The following SRCIN1 variants were observed in gnomAD, a reference collection of about 807,000 sequenced individuals.
The protein encoded by SRCIN1 is P130Cas-associated protein.
In SRCIN1, 50 loss-of-function variants were observed where a neutral mutation model predicts 116.2. That is an observed-to-expected ratio of 0.43 (90% CI 0.34 to 0.54). The LOEUF (loss-of-function observed/expected upper bound fraction) is 0.54. SRCIN1 is among the 20% of genes least tolerant of loss of function. The pLI is 0.02. For synonymous variants in SRCIN1, 736 were observed against 750.0 expected, an observed-to-expected ratio of 0.98 and a Z score of 0.30; for missense variants, 1,446 against 1,672.0, an observed-to-expected ratio of 0.86 and a Z score of 2.36.
At chr17:38,555,465 A>G (rs1905723700) in intron 11 of SRCIN1, among the ~76,000 whole-genome samples, 1 of 152,186 alleles carries the variant, frequency 6.6e-6, no homozygotes, top group Non-Finnish European at 1.5e-5. Context: ...TAACCCACCC[A>G]ATACTGTTCC....
In SRCIN1 at chr17:38,604,927, G is replaced by A. The variant is rs182007814; in HGVS notation, c.22+757C>T. The stretch of plus-strand genomic sequence containing the variant: ...GCCCCCTGGCCTCTGCAGGGGGAGG[G>A]GTTAAGATCAAATAGCCCCTCCCTA... On this transcript the variant is annotated intron_variant, in intron 1 of 18. Coordinates refer to ENST00000617146, the MANE Select transcript of SRCIN1 (RefSeq NM_025248.3). The surrounding 1 kb of genome is among the most constrained non-coding windows in gnomAD (Gnocchi z 4.3). Among the ~76,000 whole-genome samples the A allele has an allele frequency of 1.5e-3, 225 of 151,702 alleles. 1 individual carries two copies. The highest frequency in any genetic ancestry group is 5.2e-3 in the African/African-American group (216 of 41,362).
intron 3 of SRCIN1, among the ~76,000 whole-genome samples, chr17:38,566,645 G>A (rs61084951): frequency 0.023 from 3,443 of 152,274 alleles, 132 homozygotes; most frequent in African/African-American, 0.078. Context: ...TACCTTTCCA[G>A]GACCCCATAT....
intron 1 of SRCIN1, 86 bp from the exon 2 acceptor site, chr17:38,578,877 G>C: frequency 7.1e-7 from 1 of 1,403,398 alleles, no homozygotes; most frequent in East Asian, 2.6e-5. Context: ...TGCGGGAAGG[G>C]GCGGGGCCTG....
At chr17:38,579,418 C>A (rs2143324472) in intron 1 of SRCIN1, among the ~76,000 whole-genome samples, 1 of 152,298 alleles carries the variant, frequency 6.6e-6, no homozygotes, top group East Asian at 1.9e-4. Flanking sequence ...GGAAGCCCAG[C>A]GTCTGGGGCA....
At chr17:38,565,859 G>A (rs1328371502) in intron 3 of SRCIN1, among the ~76,000 whole-genome samples, 1 of 152,106 alleles carries the variant, frequency 6.6e-6, no homozygotes, top group African/African-American at 2.4e-5. Context: ...TTGGCAGGAG[G>A]AAGGCAGCAT....
chr17:38,571,534 G>A (rs564427416), intron 2 of SRCIN1, among the ~76,000 whole-genome samples: 2 of 152,114 alleles, frequency 1.3e-5, no homozygotes, highest in Non-Finnish European at 2.9e-5. Flanking sequence ...GGAGAGGTCT[G>A]GCTGTCCACC....
At position 38,604,652 on chromosome 17, in the gene SRCIN1, CCGGGCCCTGACAGCTGAGCTG is replaced by C. The variant is rs1909257036; in HGVS notation, c.22+1011_22+1031del. ...AGCACCAGCAGCCGCACACGCCCCG[CCGGGCCCTGACAGCTGAGCTG>C]CGGAGGCACCCGGCCTGTCCCCTCT... is the stretch of plus-strand genomic sequence containing the variant. On this transcript the variant is annotated intron_variant, in intron 1 of 18. Coordinates refer to ENST00000617146, the MANE Select transcript of SRCIN1 (RefSeq NM_025248.3). The surrounding 1 kb of genome is among the most constrained non-coding windows in gnomAD (Gnocchi z 4.3). The C allele has an allele frequency of 2.5e-6, 1 of 405,642 alleles. No individual in the cohort carries two copies. Among genetic ancestry groups the C allele is most frequent in the South Asian group, 1.7e-5 (1 of 57,228 alleles). The allele number at this position is 405,642 out of a possible 1,614,324, so 25.1% of individuals were successfully genotyped here.
At chr17:38,538,416 C>CAA (rs536827040) in intron 18 of SRCIN1, among the ~76,000 whole-genome samples, 1,496 of 100,344 alleles carry the variant, frequency 0.015, 37 homozygotes, top group African/African-American at 0.052. Flanking sequence ...GACTCCGTCT[C>CAA]AAAAAAAAAA....
Position 38,533,039 on chromosome 17 carries a change from G to T in SRCIN1, c.*258C>A. 3.3e-6 allele frequency: 1 copy of T among 305,794 alleles called. No homozygotes were observed. Among genetic ancestry groups the T allele is most frequent in the Non-Finnish European group, 5.9e-6 (1 of 170,124 alleles). 18.9% of individuals were successfully genotyped at this position (305,794 alleles called of 1,614,324 possible). On this transcript the variant is annotated 3_prime_UTR_variant, in exon 19 of 19. Transcript: ENST00000617146. ...GAGGCCAGCTGGGATCAAGGAAGGT[G>T]GTGTGTTTGGTTTTTAGTTTTACTG...
At position 38,604,486 on chromosome 17, in the gene SRCIN1, C is replaced by T. The variant is rs781680473; in HGVS notation, c.22+1198G>A. On this transcript the variant is annotated intron_variant, in intron 1 of 18. Transcript: ENST00000617146. This position sits in a 1 kb window ranked among gnomAD's most constrained non-coding sequence, Gnocchi z 4.3. ...TTCCCCGCGCCTGCTCACCTGGCTC[C>T]CCTCGGCCCCCAGGGTCCCTCGGTC... 2 of 454,360 alleles carry T rather than the reference C, an allele frequency of 4.4e-6. No homozygotes were observed. The highest frequency in any genetic ancestry group is 3.1e-5 in the South Asian group (2 of 64,278). 28.1% of individuals were successfully genotyped at this position (454,360 alleles called of 1,614,324 possible).
Position 38,578,736 on chromosome 17 carries a change from C to T in SRCIN1, c.78G>A (p.Arg26=), listed in dbSNP as rs1326871370. Residue 26 remains arginine, a synonymous_variant, in exon 2 of 19, where the codon CGG becomes CGA. Transcript: ENST00000617146. The part of the protein sequence containing the change: ...MLSADDAEYP[R]EYRTLGGGGG... Reference sequence around the variant, plus strand: ...CCCCGCCCCCCAGGGTCCGGTACTCCCGCGGGTACTCCGCATCGTCCGCAG... The same window carrying T: ...CCCCGCCCCCCAGGGTCCGGTACTCTCGCGGGTACTCCGCATCGTCCGCAG... 6.5e-7 allele frequency: 1 copy of T among 1,530,038 alleles called. No individual in the cohort carries two copies. The highest frequency in any genetic ancestry group is 8.8e-7 in the Non-Finnish European group (1 of 1,142,682). The allele number at this position is 1,530,038 out of a possible 1,614,324, so 94.8% of individuals were successfully genotyped here. A position where few individuals can be genotyped will look rare whatever the true frequency, so the allele number is the denominator to read the frequency against.
chr17:38,562,221 C>T lies in SRCIN1; in HGVS notation c.942G>A (p.Ser314=). The change falls in exon 7 of 19, where the codon TCG becomes TCA. Residue 314 remains serine (S), a synonymous_variant. Transcript: ENST00000617146. This position sits in a 1 kb window ranked among gnomAD's most constrained non-coding sequence, Gnocchi z 4.2. ...ASGSPPPGLP[S]GLPSGLQSGS... Reference sequence around the variant, plus strand: ...CGGACTGCAGCCCGGACGGCAGCCCCGACGGCAGCCCGGGCGGCGGCGAGC... The same window carrying T: ...CGGACTGCAGCCCGGACGGCAGCCCTGACGGCAGCCCGGGCGGCGGCGAGC... The T allele has an allele frequency of 6.9e-7, 1 of 1,441,576 alleles. No homozygotes were observed. The highest frequency in any genetic ancestry group is 3.0e-5 in the East Asian group (1 of 33,270). The allele number at this position is 1,441,576 out of a possible 1,614,324, so 89.3% of individuals were successfully genotyped here.
At chr17:38,539,511 G>T (rs1364257137) in intron 18 of SRCIN1, among the ~76,000 whole-genome samples, 1 of 152,108 alleles carries the variant, frequency 6.6e-6, no homozygotes, top group African/African-American at 2.4e-5. Flanking sequence ...AGAGGTAGGT[G>T]GGGTGAAGTT....
At chr17:38,561,336 A>G in intron 7 of SRCIN1, 127 bp downstream of exon 7, 1 of 1,165,520 alleles carries the variant, frequency 8.6e-7, no homozygotes, top group Non-Finnish European at 1.1e-6. Flanking sequence ...CTTCAAGACT[A>G]CTCAAGGTCT....
intron 1 of SRCIN1, among the ~76,000 whole-genome samples, chr17:38,594,631 T>C (rs576919062): frequency 1.3e-5 from 2 of 152,288 alleles, no homozygotes; most frequent in Admixed American, 1.3e-4. Context: ...GGCCCATCAC[T>C]ACTTTTTCTT....
intron 1 of SRCIN1, chr17:38,601,176 G>C (rs1468541713): frequency 1.3e-5 from 2 of 152,336 alleles, no homozygotes; most frequent in African/African-American, 4.8e-5. Context: ...GCTGGGATGG[G>C]ACTTGCTCAA....
chr17:38,539,852 C>T (rs1904617190), intron 18 of SRCIN1, among the ~76,000 whole-genome samples: 1 of 151,758 alleles, frequency 6.6e-6, no homozygotes, highest in Admixed American at 6.6e-5. Flanking sequence ...GAAACCCCAC[C>T]TCTACTGAAA....
intron 2 of SRCIN1, among the ~76,000 whole-genome samples, chr17:38,577,423 CT>C (rs951661188): frequency 6.6e-6 from 1 of 152,212 alleles, no homozygotes; most frequent in African/African-American, 2.4e-5. Context: ...GGAGGTGGCA[CT>C]AGAGGGCAGA....
rs1199016300 is a variant in SRCIN1 at position 38,578,777 on chromosome 17, T to C, written c.37A>G (p.Ser13Gly). The C allele has an allele frequency of 1.3e-5, 19 of 1,501,826 alleles. No homozygotes were observed. The highest frequency in any genetic ancestry group is 1.7e-5 in the Non-Finnish European group (19 of 1,127,782). 93.0% of individuals were successfully genotyped at this position (1,501,826 alleles called of 1,614,324 possible). The stretch of plus-strand genomic sequence containing the variant: ...TCGTCCGCAGACAGCATGGGGGGGC[T>C]GCTCCGCTCCGGATCTGCGAGAGGT... ...NAPSQDPERS[S>G]PPMLSADDAE... Residue 13 changes from serine (S) to glycine (G), a missense_variant, in exon 2 of 19, where the codon AGC becomes GGC. Physicochemically the swap from Ser to Gly is moderately conservative, Grantham distance 56. Around this residue, in one of 5 missense-constraint regions of SRCIN1, gnomAD observed 246 missense variants for 265.1 expected, o/e 0.93. Transcript: ENST00000617146.
Sources: allele counts gnomAD v4.1 joint callset (sites outside exome capture counted in the v4.1 genomes callset), GRCh38; gene constraint gnomAD v4.1.1; regional missense constraint gnomAD v4.1.1; non-coding constraint Gnocchi (gnomAD v3.1); transcripts MANE v1.5; gene names NCBI Gene and HGNC (gene_info 2026-07-23, HGNC 2026-07-21).